Variants in RASGRF1 observed in about 807,000 individuals in gnomAD.
The protein encoded by RASGRF1 is Ras protein specific guanine nucleotide releasing factor 1.
In RASGRF1, 40 loss-of-function variants were observed where a neutral mutation model predicts 138.7. The observed-to-expected ratio is 0.29, with a 90% confidence interval of 0.22 to 0.38. The LOEUF is 0.38. Among genes scored for constraint, RASGRF1 ranks in the 10% least tolerant of loss-of-function variants. The pLI is 1.00. For synonymous variants in RASGRF1, 614 were observed against 663.2 expected, an observed-to-expected ratio of 0.93 and a Z score of 1.14; for missense variants, 1,108 against 1,650.4, an observed-to-expected ratio of 0.67 and a Z score of 5.69.
intron 2 of RASGRF1, 66 bp from the exon 3 acceptor site, chr15:79,058,547 A>G (rs2057541641): frequency 6.3e-7 from 1 of 1,583,870 alleles, no homozygotes; most frequent in Non-Finnish European, 8.6e-7. Context: ...CAAGCAGGGC[A>G]CTGACCGGGA....
chr15:79,018,342 T>C (rs1031074109), intron 11 of RASGRF1, among the ~76,000 whole-genome samples: 1 of 152,230 alleles, frequency 6.6e-6, no homozygotes, highest in African/African-American at 2.4e-5. Flanking sequence ...CTTAAACTTT[T>C]ATGGATTGGG....
chr15:78,999,677 C>T, intron 17 of RASGRF1, 66 bp downstream of exon 17: 1 of 1,558,944 alleles, frequency 6.4e-7, no homozygotes, highest in Non-Finnish European at 8.8e-7. Flanking sequence ...GGGACCATGG[C>T]TGCTATCACC....
chr15:79,089,301 A>G (rs2058021067), intron 1 of RASGRF1, among the ~76,000 whole-genome samples: 1 of 152,220 alleles, frequency 6.6e-6, no homozygotes, highest in Non-Finnish European at 1.5e-5. Flanking sequence ...CCTAGTGGCA[A>G]GGGACTGGAC....
chr15:79,058,631 G>T, intron 2 of RASGRF1, 150 bp from the exon 3 acceptor site: 2 of 1,084,662 alleles, frequency 1.8e-6, no homozygotes, highest in Non-Finnish European at 2.6e-6. Flanking sequence ...AGAGGGCTTG[G>T]CAGGGTAGAG....
intron 11 of RASGRF1, among the ~76,000 whole-genome samples, 184 bp downstream of exon 11, chr15:79,019,857 G>A (rs2056933706): frequency 6.6e-6 from 1 of 152,192 alleles, no homozygotes; most frequent in Admixed American, 6.5e-5. Context: ...TACAAGGGGA[G>A]CAAAGCCCAG....
intron 24 of RASGRF1, chr15:78,979,383 G>C (rs28738778): frequency 0.016 from 4,544 of 286,532 alleles, 50 homozygotes; most frequent in Non-Finnish European, 0.021. Flanking sequence ...CCCATCCTCA[G>C]GGTCTGGGGG....
At chr15:79,007,572 A>ATAAG (rs2056707889) in intron 13 of RASGRF1, among the ~76,000 whole-genome samples, 1 of 127,338 alleles carries the variant, frequency 7.9e-6, no homozygotes. Flanking sequence ...TTTTAATGAG[A>ATAAG]TAAGGTCTCA....
At chr15:78,995,827 AG>A (rs2056380137) in intron 19 of RASGRF1, 27 bp from the exon 20 acceptor site, 1 of 1,613,402 alleles carries the variant, frequency 6.2e-7, no homozygotes, top group African/African-American at 1.3e-5. Flanking sequence ...AGGCACGGTG[AG>A]CCCCACTTCA....
In RASGRF1 at chr15:79,032,435, C is replaced by T. The variant is rs2057154689; in HGVS notation, c.959-119G>A. On this transcript the variant is annotated intron_variant, in intron 6 of 26. Transcript: ENST00000558480. The surrounding 1 kb of genome is among the most constrained non-coding windows in gnomAD (Gnocchi z 4.5). ...CCAGGGGCCAGGTTCAAGTTCCCCACCCCAGAGACATCTCTGCTCTTGGGG... is the reference window on the plus strand; with the variant it reads ...CCAGGGGCCAGGTTCAAGTTCCCCATCCCAGAGACATCTCTGCTCTTGGGG... 4.4e-6 allele frequency: 4 copies of T among 916,360 alleles called. No individual in the cohort carries two copies. In the East Asian group the frequency reaches 1.0e-4, roughly 24 times the overall value. The allele number at this position is 916,360 out of a possible 1,614,324, so 56.8% of individuals were successfully genotyped here. A position where few individuals can be genotyped will look rare whatever the true frequency, so the allele number is the denominator to read the frequency against.
rs2056861791 is a variant in RASGRF1, at chr15:79,015,233, C to T, written c.1826+94G>A. The T allele has an allele frequency of 4.0e-6, 5 of 1,256,392 alleles. No homozygotes were observed. In the South Asian group the frequency reaches 6.3e-5, roughly 16 times the overall value. The allele number at this position is 1,256,392 out of a possible 1,614,324, so 77.8% of individuals were successfully genotyped here. ...AGACAAAGCCCAGCATCTCTGAACC[C>T]CAGTAGCTGGCTCATCCCAGTGTCC... is the stretch of plus-strand genomic sequence containing the variant. On this transcript the variant is annotated intron_variant, in intron 13 of 26. Transcript: ENST00000558480.
chr15:79,089,232 G>A (rs889737862), intron 1 of RASGRF1, among the ~76,000 whole-genome samples: 8 of 152,220 alleles, frequency 5.3e-5, no homozygotes, highest in Non-Finnish European at 1.2e-4. Context: ...TAGGCCCTAT[G>A]GATGGAAGGT....
intron 8 of RASGRF1, among the ~76,000 whole-genome samples, chr15:79,028,473 C>T (rs2140994464): frequency 6.6e-6 from 1 of 152,234 alleles, no homozygotes; most frequent in Non-Finnish European, 1.5e-5. Context: ...AGGCTCTGGC[C>T]CTTCTGGGAG....
chr15:79,032,016 G>T lies in RASGRF1; in HGVS notation c.1152+107C>A. ...CCTGACCACCTCCCCCGCCCCCTTTGGCAGCCCAGAGCTGGGGTGCGTTAA... is the reference window on the plus strand; with the variant it reads ...CCTGACCACCTCCCCCGCCCCCTTTTGCAGCCCAGAGCTGGGGTGCGTTAA... On this transcript the variant is annotated intron_variant, in intron 7 of 26. Transcript: ENST00000558480. This position sits in a 1 kb window ranked among gnomAD's most constrained non-coding sequence, Gnocchi z 4.5. 1.5e-6 allele frequency: 2 copies of T among 1,322,890 alleles called. No homozygotes were observed. The highest frequency in any genetic ancestry group is 1.0e-6 in the Non-Finnish European group (1 of 976,582). The allele number at this position is 1,322,890 out of a possible 1,614,324, so 81.9% of individuals were successfully genotyped here.
chr15:78,975,625 C>A (rs992181354), intron 24 of RASGRF1, among the ~76,000 whole-genome samples: 1 of 151,994 alleles, frequency 6.6e-6, no homozygotes, highest in Admixed American at 6.5e-5. Flanking sequence ...GGTCCTCCTG[C>A]CTCAGCCTCC....
chr15:78,992,252 G>T (rs561536672), intron 20 of RASGRF1, among the ~76,000 whole-genome samples: 1 of 152,260 alleles, frequency 6.6e-6, no homozygotes, highest in African/African-American at 2.4e-5. Flanking sequence ...ACTAGCAGGT[G>T]TGGACTCCCA....
rs529652081 is a variant in RASGRF1, at chr15:79,005,692, T to G, written c.2075+494A>C. 1.3e-3 allele frequency: 1,285 copies of G among 953,876 alleles called. 2 individuals are homozygous for G. The highest frequency in any genetic ancestry group is 1.9e-3 in the Admixed American group (35 of 18,454). The allele number at this position is 953,876 out of a possible 1,614,324, so 59.1% of individuals were successfully genotyped here. On this transcript the variant is annotated intron_variant, in intron 14 of 26. Coordinates refer to ENST00000558480, the MANE Select transcript of RASGRF1 (RefSeq NM_001145648.3). Reference sequence around the variant, plus strand: ...TCATTTCTTAGAGTAGGAGGTGGTCTAAGCAAAGCAGGGGTAAGAGTCCTT... The same window carrying G: ...TCATTTCTTAGAGTAGGAGGTGGTCGAAGCAAAGCAGGGGTAAGAGTCCTT...
rs763522325 is a variant in RASGRF1 at position 79,058,460 on chromosome 15, C to T, written c.405G>A (p.Glu135=). 1.5e-5 allele frequency: 25 copies of T among 1,614,214 alleles called. No homozygotes were observed. Among genetic ancestry groups the T allele is most frequent in the South Asian group, 2.2e-5 (2 of 91,084 alleles). The change falls in exon 3 of 27, where the codon GAG becomes GAA. Residue 135 remains glutamate (E), a synonymous_variant. Coordinates refer to ENST00000558480, the MANE Select transcript of RASGRF1 (RefSeq NM_001145648.3). The part of the protein sequence containing the change: ...AHASYRTLAT[E]HEALMQKYLH... ...GGTATTTCTGCATTAATGCCTCATGCTCTGTGGCGAGGGTCCTGTAGCTGT... is the reference window on the plus strand; with the variant it reads ...GGTATTTCTGCATTAATGCCTCATGTTCTGTGGCGAGGGTCCTGTAGCTGT...
rs2057353125 is a variant in RASGRF1, at chr15:79,046,246, C to T, written c.878+500G>A. Among the ~76,000 whole-genome samples, 1 of 152,184 alleles carries T rather than the reference C, an allele frequency of 6.6e-6. No homozygotes were observed. The highest frequency in any genetic ancestry group is 2.4e-5 in the African/African-American group (1 of 41,452). On this transcript the variant is annotated intron_variant, in intron 5 of 26. Transcript: ENST00000558480. This position sits in a 1 kb window ranked among gnomAD's most constrained non-coding sequence, Gnocchi z 5.3. ...CAGGTCATTATGATGGTATCAAGGT[C>T]AAAGAATAAGGTACTTTAGTTTACG...
At chr15:78,969,815 T>C (rs74024495) in intron 26 of RASGRF1, among the ~76,000 whole-genome samples, 3,307 of 152,272 alleles carry the variant, frequency 0.022, 113 homozygotes, top group African/African-American at 0.075. Flanking sequence ...CTTAGTCTAT[T>C]TCCCTCTAGA....
Sources: gnomAD v4.1 joint callset for allele counts (sites outside exome capture counted in the v4.1 genomes callset) on GRCh38, gnomAD v4.1.1 for gene constraint, Gnocchi (gnomAD v3.1) non-coding constraint, MANE v1.5 for transcripts, NCBI Gene and HGNC (gene_info 2026-07-23, HGNC 2026-07-21) for gene names.